GFI1B: variants seen among roughly 807,000 people sequenced by gnomAD.
The protein encoded by GFI1B is growth factor independent 1B transcriptional repressor.
GFI1B carries 20 observed loss-of-function variants against 35.3 expected under a neutral mutation model. That is an observed-to-expected ratio of 0.57 (90% CI 0.40 to 0.82). The LOEUF is 0.82. Ranked by LOEUF, GFI1B falls within the 40% of genes least tolerant of loss-of-function variation. The pLI is 0.00. For synonymous variants in GFI1B, 178 were observed against 177.6 expected (o/e 1.00, Z -0.02); for missense variants, 430 against 446.3 (o/e 0.96, Z 0.33).
At chr9:132,956,354 T>G (rs1014898480) in intron 1 of GFI1B, among the ~76,000 whole-genome samples, 3 of 152,240 alleles carry the variant, frequency 2.0e-5, no homozygotes, top group African/African-American at 7.2e-5. Flanking sequence ...AACTGTCATT[T>G]CCGTGAATCG....
At chr9:132,968,587 A>C (rs1400497872) in intron 1 of GFI1B, among the ~76,000 whole-genome samples, 1 of 152,152 alleles carries the variant, frequency 6.6e-6, no homozygotes, top group African/African-American at 2.4e-5. Context: ...TTTTTGTTTG[A>C]AATTTTATAT....
intron 1 of GFI1B, among the ~76,000 whole-genome samples, chr9:132,986,012 C>T (rs1390053198): frequency 3.3e-5 from 5 of 152,102 alleles, no homozygotes; most frequent in South Asian, 2.1e-4. Flanking sequence ...CTTGTCTGAG[C>T]GTTTTCTAGG....
At chr9:132,987,166 C>T (rs113774797) in intron 2 of GFI1B, 116 bp from the exon 3 acceptor site, 19 of 1,142,210 alleles carry the variant, frequency 1.7e-5, no homozygotes, top group African/African-American at 1.1e-4. Flanking sequence ...CCAGAAGCAG[C>T]GGCACGTGGC....
At chr9:132,969,214 A>G (rs935351340) in intron 1 of GFI1B, among the ~76,000 whole-genome samples, 14 of 152,034 alleles carry the variant, frequency 9.2e-5, no homozygotes, top group Non-Finnish European at 4.4e-5. Flanking sequence ...TATTTTTAGT[A>G]GAGACTGGGT....
intron 1 of GFI1B, among the ~76,000 whole-genome samples, chr9:132,971,207 G>A (rs868492149): frequency 2.5e-4 from 38 of 152,282 alleles, no homozygotes; most frequent in African/African-American, 8.7e-4. Context: ...AAACTTAGAA[G>A]TGGGGCCCAT....
intron 1 of GFI1B, among the ~76,000 whole-genome samples, chr9:132,972,063 T>A (rs1000776141): frequency 6.6e-6 from 1 of 151,066 alleles, no homozygotes; most frequent in African/African-American, 2.4e-5. Context: ...TCTCATGGAT[T>A]TAGGAGTTTG....
At chr9:132,985,809 C>T (rs908426507) in intron 1 of GFI1B, among the ~76,000 whole-genome samples, 2 of 152,232 alleles carry the variant, frequency 1.3e-5, no homozygotes, top group Non-Finnish European at 1.5e-5. Flanking sequence ...AACTGAGATT[C>T]TAACCCACGA....
At position 132,987,205 on chromosome 9, in the gene GFI1B, A is replaced by C. The variant is rs2073578; in HGVS notation, c.101-77A>C. ...CTCTCTGGGCCTCCTCCTCCTAGGA[A>C]GGGCGTGCCCTCCTTGCTCCCTCTG... is the stretch of plus-strand genomic sequence containing the variant. On this transcript the variant is annotated intron_variant, in intron 2 of 6. Transcript: ENST00000372122. The C allele has an allele frequency of 0.35, 508,619 of 1,464,340 alleles. 92,751 individuals are homozygous for C. The highest frequency in any genetic ancestry group is 0.4 in the Admixed American group (20,643 of 52,202). 90.7% of individuals were successfully genotyped at this position (1,464,340 alleles called of 1,614,324 possible).
At position 132,989,651 on chromosome 9, in the gene GFI1B, C is replaced by G. The variant is rs554982113; in HGVS notation, c.649-91C>G. ...CCCCGGTCCTGCTCCTCCAGGCCGC[C>G]CCAATGGAGTGTCCTGTTCCGCAGG... On this transcript the variant is annotated intron_variant, in intron 5 of 6. Coordinates refer to ENST00000372122, the MANE Select transcript of GFI1B (RefSeq NM_001377304.1). This position sits in a 1 kb window ranked among gnomAD's most constrained non-coding sequence, Gnocchi z 6.2. The G allele has an allele frequency of 9.5e-7, 1 of 1,049,992 alleles. No individual in the cohort carries two copies. Among genetic ancestry groups the G allele is most frequent in the Non-Finnish European group, 1.4e-6 (1 of 692,772 alleles). 65.0% of individuals were successfully genotyped at this position (1,049,992 alleles called of 1,614,324 possible).
upstream of GFI1B, among the ~76,000 whole-genome samples, chr9:132,974,601 C>CAAAAAAAA (rs11243966): frequency 1.1e-3 from 88 of 79,840 alleles, no homozygotes; most frequent in African/African-American, 4.8e-3. Flanking sequence ...GAATCCGTCT[C>CAAAAAAAA]AAAAAAAAAA....
intron 1 of GFI1B, among the ~76,000 whole-genome samples, chr9:132,965,326 G>A (rs1848434368): frequency 6.6e-6 from 1 of 152,146 alleles, no homozygotes; most frequent in African/African-American, 2.4e-5. Context: ...GTGTTAGAAA[G>A]CAAGGACATG....
chr9:132,992,458 G>A (rs1267326474), downstream of GFI1B, among the ~76,000 whole-genome samples: 1 of 152,128 alleles, frequency 6.6e-6, no homozygotes, highest in Non-Finnish European at 1.5e-5. Context: ...CTTCAGGTGA[G>A]TTCCTGAACC....
intron 1 of GFI1B, among the ~76,000 whole-genome samples, chr9:132,979,973 A>T (rs1848763632): frequency 6.6e-6 from 1 of 152,206 alleles, no homozygotes; most frequent in Non-Finnish European, 1.5e-5. Context: ...CATGTTTCTT[A>T]GTAGGCAACA....
chr9:132,974,957 T>C (rs985325212), upstream of GFI1B: 2 of 152,112 alleles, frequency 1.3e-5, no homozygotes, highest in African/African-American at 2.4e-5. Context: ...ATTGTTATTA[T>C]TAAATGAGTT....
At chr9:132,988,543 G>A (rs1849168152) in intron 4 of GFI1B, 75 bp downstream of exon 4, 1 of 1,366,640 alleles carries the variant, frequency 7.3e-7, no homozygotes, top group African/African-American at 1.4e-5. Flanking sequence ...GCAGCTCTGG[G>A]CGTTCTCTGT....
At chr9:132,968,725 C>T (rs932010580) in intron 1 of GFI1B, among the ~76,000 whole-genome samples, 3 of 152,158 alleles carry the variant, frequency 2.0e-5, no homozygotes, top group Non-Finnish European at 4.4e-5. Context: ...CCCCGCTGTA[C>T]CTCTGCTTTC....
chr9:132,979,767 G>A (rs559202319), intron 1 of GFI1B, among the ~76,000 whole-genome samples: 1 of 152,340 alleles, frequency 6.6e-6, no homozygotes, highest in South Asian at 2.1e-4. Flanking sequence ...GAGGAGACAT[G>A]CTCACTCTAA....
intron 1 of GFI1B, among the ~76,000 whole-genome samples, chr9:132,960,946 T>C (rs560188345): frequency 5.5e-4 from 83 of 152,234 alleles, no homozygotes; most frequent in African/African-American, 1.8e-3. Flanking sequence ...AAGAGTTTCA[T>C]GGTCACCGTG....
chr9:132,950,231 C>G (rs1564521526), intron 1 of GFI1B, among the ~76,000 whole-genome samples: 1 of 152,192 alleles, frequency 6.6e-6, no homozygotes, highest in Non-Finnish European at 1.5e-5. Context: ...ACATGCTTTC[C>G]TTTCTTCACC....
Sources: allele counts gnomAD v4.1 joint callset (sites outside exome capture counted in the v4.1 genomes callset), GRCh38; gene constraint gnomAD v4.1.1; non-coding constraint Gnocchi (gnomAD v3.1); transcripts MANE v1.5; gene names NCBI Gene and HGNC (gene_info 2026-07-23, HGNC 2026-07-21).